FRMPD2: variants seen among roughly 807,000 people sequenced by gnomAD.
The protein encoded by FRMPD2 is FERM and PDZ domain containing 2.
A neutral mutation model predicts 140.1 loss-of-function variants in FRMPD2; 96 were observed. The ratio of observed to expected loss-of-function variants is 0.69; its 90% confidence interval spans 0.58 to 0.81. The LOEUF (loss-of-function observed/expected upper bound fraction) is 0.81. FRMPD2 is among the 40% of genes least tolerant of loss of function. The pLI, the probability that FRMPD2 is intolerant of heterozygous loss-of-function variation, is 0.00. For missense variants in FRMPD2, 1,240 were observed against 1,447.4 expected (o/e 0.86, Z 2.32); for synonymous variants, 449 against 547.6 (o/e 0.82, Z 2.52).
chr10:48,223,820 CA>C (rs1256251437), intron 10 of FRMPD2, among the ~76,000 whole-genome samples: 11 of 152,290 alleles, frequency 7.2e-5, no homozygotes, highest in African/African-American at 2.6e-4. Flanking sequence ...ATGGGATCAG[CA>C]TCCTTATAAC....
chr10:48,234,426 C>G (rs746183939), intron 9 of FRMPD2, among the ~76,000 whole-genome samples: 1 of 152,184 alleles, frequency 6.6e-6, no homozygotes, highest in Admixed American at 6.5e-5. Context: ...TCCCACGGGA[C>G]AGCCATGCTG....
In FRMPD2 at chr10:48,206,854, G is replaced by A. The variant is rs1046319634; in HGVS notation, c.1691C>T (p.Ala564Val). 1 of 1,614,048 alleles carries A rather than the reference G, an allele frequency of 6.2e-7. No individual in the cohort carries two copies. The highest frequency in any genetic ancestry group is 8.5e-7 in the Non-Finnish European group (1 of 1,179,924). Residue 564 changes from alanine to valine, a missense_variant, in exon 14 of 29, where the codon GCC (alanine) becomes GTC (valine). Physicochemically the swap from Ala to Val is moderately conservative, Grantham distance 64. Transcript: ENST00000374201. Reference protein sequence around the residue: ...SEKRRPEEEMALGICAKGVIV... With the variant: ...SEKRRPEEEMVLGICAKGVIV... The stretch of plus-strand genomic sequence containing the variant: ...GACACCCTTGGCACAGATCCCCAGG[G>A]CCATCTCCTCTTCTGGCCTCCTCTT...
Position 48,185,593 on chromosome 10 carries a change from A to G in FRMPD2, c.2319T>C (p.Ile773=), listed in dbSNP as rs781676807. The G allele has an allele frequency of 6.2e-7, 1 of 1,614,088 alleles. No individual in the cohort carries two copies. The highest frequency in any genetic ancestry group is 8.5e-7 in the Non-Finnish European group (1 of 1,179,990). ...KSFIAEPGRE[I]VRVTLKRDPH... Reference sequence around the variant, plus strand: ...GGTCACGTTTCAGTGTCACACGTACAATTTCTCGGCCCGGTTCAGCTATAA... The same window carrying G: ...GGTCACGTTTCAGTGTCACACGTACGATTTCTCGGCCCGGTTCAGCTATAA... The change falls in exon 18 of 29, where the codon ATT becomes ATC. Residue 773 remains isoleucine, a synonymous_variant. Coordinates refer to ENST00000374201, the MANE Select transcript of FRMPD2 (RefSeq NM_001018071.4).
chr10:48,214,798 G>C (rs1236932721), intron 12 of FRMPD2, among the ~76,000 whole-genome samples: 1 of 152,200 alleles, frequency 6.6e-6, no homozygotes, highest in Non-Finnish European at 1.5e-5. Context: ...CTTACATGGT[G>C]CTACTGGGTG....
At chr10:48,205,284 T>G (rs1839178505) in intron 14 of FRMPD2, among the ~76,000 whole-genome samples, 1 of 152,240 alleles carries the variant, frequency 6.6e-6, no homozygotes, top group Non-Finnish European at 1.5e-5. Flanking sequence ...TAAGTTTGTC[T>G]TCAGAGCCTG....
chr10:48,159,235 ATC>A (rs1306948947), intron 28 of FRMPD2: 1 of 455,664 alleles, frequency 2.2e-6, no homozygotes, highest in Non-Finnish European at 4.4e-6. Flanking sequence ...GATTTACAGT[ATC>A]TCTAAGACAT....
At chr10:48,240,158 T>C (rs1840070422) in intron 6 of FRMPD2, among the ~76,000 whole-genome samples, 1 of 152,222 alleles carries the variant, frequency 6.6e-6, no homozygotes, top group Non-Finnish European at 1.5e-5. Context: ...TAAATAACTG[T>C]GTTGTGTCCC....
intron 9 of FRMPD2, among the ~76,000 whole-genome samples, chr10:48,234,915 C>T (rs760319813): frequency 5.3e-5 from 8 of 152,180 alleles, no homozygotes; most frequent in Non-Finnish European, 1.2e-4. Context: ...CCCATCACAG[C>T]AGGTCTGGCC....
In FRMPD2 at chr10:48,271,627, C is replaced by T. The variant is rs1840767624; in HGVS notation, c.25+2916G>A. 2.6e-5 allele frequency among the ~76,000 whole-genome samples: 4 copies of T among 152,192 alleles called. No individual in the cohort carries two copies. In the South Asian group the frequency reaches 8.3e-4, roughly 32 times the overall value. On this transcript the variant is annotated intron_variant, in intron 1 of 28. Transcript: ENST00000374201. ...AATACAGGAATAAGGAGGCTTACAG[C>T]CAAGGCAAGAAAAAAAAAGGGAGGG...
intron 15 of FRMPD2, among the ~76,000 whole-genome samples, chr10:48,196,577 T>A (rs1389181975): frequency 6.6e-6 from 1 of 152,126 alleles, no homozygotes; most frequent in Non-Finnish European, 1.5e-5. Flanking sequence ...TGACCACCTT[T>A]GTACAAGACA....
chr10:48,228,970 A>C (rs746088018), intron 10 of FRMPD2, among the ~76,000 whole-genome samples: 11 of 152,030 alleles, frequency 7.2e-5, no homozygotes, highest in Non-Finnish European at 1.5e-4. Context: ...TGTGTGATCA[A>C]GATAATTAAA....
chr10:48,207,009 T>C (rs1166097789), intron 13 of FRMPD2, 76 bp from the exon 14 acceptor site: 17 of 1,321,020 alleles, frequency 1.3e-5, no homozygotes, highest in Middle Eastern at 2.2e-4. Flanking sequence ...ATTCACTCCA[T>C]GCAAAACACA....
chr10:48,274,841 A>G (rs143753208), upstream of FRMPD2: 699 of 473,492 alleles, frequency 1.5e-3, 4 homozygotes, highest in East Asian at 0.013. Context: ...CCTCAAAGCC[A>G]GTGACCCGTG....
At chr10:48,242,717 C>T (rs1201898612) in intron 4 of FRMPD2, among the ~76,000 whole-genome samples, 3 of 152,230 alleles carry the variant, frequency 2.0e-5, no homozygotes, top group African/African-American at 4.8e-5. Flanking sequence ...AGTTCACCTG[C>T]GTAGCTTGTC....
intron 28 of FRMPD2, among the ~76,000 whole-genome samples, chr10:48,157,946 C>T (rs1291015561): frequency 2.1e-5 from 3 of 145,602 alleles, no homozygotes; most frequent in African/African-American, 5.2e-5. Context: ...CCCTTCCCTC[C>T]GTTCTGAGCT....
chr10:48,205,569 A>G (rs1206482299), intron 14 of FRMPD2, among the ~76,000 whole-genome samples: 1 of 152,244 alleles, frequency 6.6e-6, no homozygotes, highest in African/African-American at 2.4e-5. Context: ...TATTAAATTC[A>G]TTAAACAAAG....
intron 28 of FRMPD2, among the ~76,000 whole-genome samples, chr10:48,159,974 G>A (rs1402608457): frequency 1.3e-5 from 2 of 151,358 alleles, no homozygotes; most frequent in Admixed American, 1.3e-4. Flanking sequence ...ATAAATGCAA[G>A]CCTCCTAACT....
Position 48,249,012 on chromosome 10 carries a change from A to T in FRMPD2, c.309+9T>A. Reference sequence around the variant, plus strand: ...GACTCAGAAGTTGCAGAGTAGCTGCACAGCTTACCTGAGATGCATCAGGCT... The same window carrying T: ...GACTCAGAAGTTGCAGAGTAGCTGCTCAGCTTACCTGAGATGCATCAGGCT... On this transcript the variant is annotated intron_variant, in intron 3 of 28. Transcript: ENST00000374201. 2 of 1,601,706 alleles carry T rather than the reference A, an allele frequency of 1.2e-6. No individual in the cohort carries two copies. The highest frequency in any genetic ancestry group is 1.7e-6 in the Non-Finnish European group (2 of 1,172,856).
At chr10:48,233,058 G>C (rs142535202) in intron 9 of FRMPD2, among the ~76,000 whole-genome samples, 88 of 152,312 alleles carry the variant, frequency 5.8e-4, no homozygotes, top group African/African-American at 2.0e-3. Flanking sequence ...GCCCTTGTCT[G>C]TGGCTCTTCC....
Sources: allele counts gnomAD v4.1 joint callset (sites outside exome capture counted in the v4.1 genomes callset), GRCh38; gene constraint gnomAD v4.1.1; transcripts MANE v1.5; gene names NCBI Gene and HGNC (gene_info 2026-07-23, HGNC 2026-07-21).